Variants in RIPOR2 observed in about 807,000 individuals in gnomAD.
RIPOR2 encodes the protein rho family-interacting cell polarization regulator 2.
A neutral mutation model predicts 114.5 loss-of-function variants in RIPOR2; 39 were observed. The ratio of observed to expected loss-of-function variants is 0.34; its 90% confidence interval spans 0.26 to 0.44. The LOEUF is 0.44. Among genes scored for constraint, RIPOR2 ranks in the 20% least tolerant of loss-of-function variants. The probability of loss-of-function intolerance (pLI) is 1.00; values close to 1 mark genes in which losing one functional copy is unlikely to be tolerated. For missense variants in RIPOR2, 1,007 were observed against 1,255.1 expected, an observed-to-expected ratio of 0.80 and a Z score of 2.99; for synonymous variants, 445 against 484.4, an observed-to-expected ratio of 0.92 and a Z score of 1.07.
rs576115478 is a variant in RIPOR2 at position 24,915,963 on chromosome 6, G to A, written c.61+19875C>T. On this transcript the variant is annotated intron_variant, in intron 1 of 21. Coordinates refer to ENST00000643898, the MANE Select transcript of RIPOR2 (RefSeq NM_001286445.3). ...TGGCTCTTCTCACCCTGCATCCAGG[G>A]AAGAGTCTTGGAAAAAGTGCTGGAC... Among the ~76,000 whole-genome samples, 11 of 152,334 alleles carry A rather than the reference G, an allele frequency of 7.2e-5. No homozygotes were observed. The East Asian group carries it at 2.1e-3, about 29-fold the overall frequency.
chr6:25,033,859 T>C (rs1240011992), intron 1 of RIPOR2, among the ~76,000 whole-genome samples: 1 of 152,090 alleles, frequency 6.6e-6, no homozygotes, highest in South Asian at 2.1e-4. Context: ...TATTATTTTA[T>C]TCTCTTTTTT....
intron 1 of RIPOR2, among the ~76,000 whole-genome samples, chr6:24,888,052 A>G (rs1452256195): frequency 6.6e-6 from 1 of 152,182 alleles, no homozygotes; most frequent in Non-Finnish European, 1.5e-5. Context: ...AGGAAAAAGC[A>G]TTTTGCACTT....
At chr6:24,922,717 T>A (rs1281359948) in intron 1 of RIPOR2, among the ~76,000 whole-genome samples, 1 of 151,554 alleles carries the variant, frequency 6.6e-6, no homozygotes, top group Non-Finnish European at 1.5e-5. Context: ...AAAATTAGCC[T>A]GGTGTGTTGG....
At chr6:24,865,998 A>G (rs759686783) in intron 6 of RIPOR2, among the ~76,000 whole-genome samples, 7 of 152,210 alleles carry the variant, frequency 4.6e-5, no homozygotes, top group Admixed American at 6.5e-5. Context: ...TAGTGTCACA[A>G]TATTAGGATT....
chr6:24,889,596 T>A (rs1767137167), intron 1 of RIPOR2, among the ~76,000 whole-genome samples: 1 of 152,170 alleles, frequency 6.6e-6, no homozygotes, highest in Admixed American at 6.5e-5. Flanking sequence ...GTGTTTGTAC[T>A]ATCATCTGAT....
chr6:24,954,455 C>CT (rs372356246), intron 1 of RIPOR2, among the ~76,000 whole-genome samples: 25,227 of 116,198 alleles, frequency 0.22, 3,128 homozygotes, highest in East Asian at 0.47. Flanking sequence ...GTCTCTCTCT[C>CT]CTTTTTTTTT....
chr6:24,849,991 C>A, intron 10 of RIPOR2, 41 bp from the exon 11 acceptor site: 1 of 1,561,602 alleles, frequency 6.4e-7, no homozygotes, highest in Non-Finnish European at 8.7e-7. Flanking sequence ...TACATCACAG[C>A]AGAGGAGAAA....
intron 1 of RIPOR2, among the ~76,000 whole-genome samples, chr6:24,990,874 T>C (rs1774778152): frequency 6.6e-6 from 1 of 152,230 alleles, no homozygotes; most frequent in Admixed American, 6.5e-5. Flanking sequence ...GCACTAAATG[T>C]ACATCAGACA....
At chr6:24,891,944 C>T (rs1203199250) in intron 1 of RIPOR2, among the ~76,000 whole-genome samples, 1 of 152,132 alleles carries the variant, frequency 6.6e-6, no homozygotes, top group Non-Finnish European at 1.5e-5. Flanking sequence ...CTGCAACATC[C>T]ACCTCCCAGG....
At chr6:24,893,023 C>T (rs1355395397) in intron 1 of RIPOR2, among the ~76,000 whole-genome samples, 1 of 151,996 alleles carries the variant, frequency 6.6e-6, no homozygotes, top group Non-Finnish European at 1.5e-5. Context: ...AGAGTGAGAC[C>T]CTGTCTCTAA....
At chr6:24,977,725 T>C (rs1774128805) in intron 1 of RIPOR2, among the ~76,000 whole-genome samples, 1 of 152,184 alleles carries the variant, frequency 6.6e-6, no homozygotes, top group Admixed American at 6.5e-5. Context: ...TTTTGTTGGT[T>C]TCTGTAAACA....
At chr6:24,865,483 T>C (rs1228727325) in intron 6 of RIPOR2, 33 bp from the exon 7 acceptor site, 6 of 1,566,728 alleles carry the variant, frequency 3.8e-6, no homozygotes, top group Non-Finnish European at 5.2e-6. Context: ...CAGAAATAAA[T>C]GTCAGGCTTG....
At chr6:24,892,452 C>T (rs1767456632) in intron 1 of RIPOR2, among the ~76,000 whole-genome samples, 1 of 152,292 alleles carries the variant, frequency 6.6e-6, no homozygotes, top group South Asian at 2.1e-4. Context: ...CTCTGGGTCA[C>T]ACAAGAACTG....
intron 10 of RIPOR2, 120 bp from the exon 11 acceptor site, chr6:24,850,070 C>A: frequency 2.4e-5 from 17 of 706,878 alleles, no homozygotes; most frequent in Non-Finnish European, 3.7e-5. Context: ...TATCTGAAAT[C>A]AGAAGCGGAT....
At chr6:25,004,348 T>TA (rs1006634455) in intron 1 of RIPOR2, among the ~76,000 whole-genome samples, 8 of 152,180 alleles carry the variant, frequency 5.3e-5, no homozygotes, top group Non-Finnish European at 7.3e-5. Flanking sequence ...AGATGCAAGT[T>TA]AAAAAAAGTC....
chr6:25,011,948 C>T (rs1251370360), intron 1 of RIPOR2, among the ~76,000 whole-genome samples: 4 of 152,086 alleles, frequency 2.6e-5, no homozygotes, highest in Non-Finnish European at 1.5e-5. Flanking sequence ...GGAGAAAATC[C>T]ACAGAATGGA....
chr6:24,868,226 T>C (rs113068224), intron 6 of RIPOR2, among the ~76,000 whole-genome samples: 6 of 152,200 alleles, frequency 3.9e-5, no homozygotes, highest in African/African-American at 1.4e-4. Context: ...ATCATGTAGA[T>C]CAAATCTGTG....
intron 1 of RIPOR2, among the ~76,000 whole-genome samples, chr6:25,018,288 T>C (rs1176029686): frequency 1.9e-4 from 29 of 152,218 alleles, no homozygotes; most frequent in Admixed American, 1.9e-3. Flanking sequence ...TGAAATACGT[T>C]CCTCTTGGAA....
intron 1 of RIPOR2, among the ~76,000 whole-genome samples, chr6:24,918,035 T>C (rs2114096389): frequency 2.0e-5 from 3 of 152,342 alleles, no homozygotes; most frequent in Non-Finnish European, 1.5e-5. Flanking sequence ...CTCCATCTTC[T>C]GTCTCCTGGA....
Sources: allele counts gnomAD v4.1 joint callset (sites outside exome capture counted in the v4.1 genomes callset), GRCh38; gene constraint gnomAD v4.1.1; transcripts MANE v1.5; gene names NCBI Gene and HGNC (gene_info 2026-07-23, HGNC 2026-07-21).